The following SOBP variants were observed in gnomAD, a reference collection of about 807,000 sequenced individuals.
The protein encoded by SOBP is sine oculis-binding protein homolog.
In SOBP, 4 loss-of-function variants were observed where a neutral mutation model predicts 53.6. The ratio of observed to expected loss-of-function variants is 0.07; its 90% CI spans 0.04 to 0.17. The LOEUF (loss-of-function observed/expected upper bound fraction) is 0.17, where lower values mean the gene tolerates loss of function less well. Ranked by LOEUF, SOBP falls within the 10% of genes least tolerant of loss-of-function variation. The probability of loss-of-function intolerance (pLI) is 1.00; values close to 1 mark genes in which losing one functional copy is unlikely to be tolerated. For missense variants in SOBP, 1,088 were observed against 1,204.7 expected, an observed-to-expected ratio of 0.90 and a Z score of 1.43; for synonymous variants, 584 against 522.6, an observed-to-expected ratio of 1.12 and a Z score of -1.60.
At position 107,633,838 on chromosome 6, in the gene SOBP, G is replaced by A. The variant is rs910509050; in HGVS notation, c.994G>A (p.Val332Ile). The A allele has an allele frequency of 6.2e-6, 10 of 1,613,902 alleles. No individual in the cohort carries two copies. In the African/African-American group the frequency reaches 6.7e-5, roughly 11 times the overall value. The change falls in exon 6 of 7, where the codon GTC becomes ATC. Residue 332 changes from valine to isoleucine, a missense_variant. By Grantham distance (29) the Val-to-Ile change is conservative. This residue lies in a region of SOBP where 211 missense variants were observed against 258.9 expected (regional missense o/e 0.82). Transcript: ENST00000317357. ...CCCTGGCCCGTCGGCGTCCACCACCGTCTCTCCATCTGACACTGCCAACTG... is the reference window on the plus strand; with the variant it reads ...CCCTGGCCCGTCGGCGTCCACCACCATCTCTCCATCTGACACTGCCAACTG... ...QGPGPSASTT[V>I]SPSDTANCSV...
chr6:107,523,836 C>CT (rs1385731666), intron 3 of SOBP, among the ~76,000 whole-genome samples: 2 of 152,244 alleles, frequency 1.3e-5, no homozygotes, highest in Admixed American at 6.5e-5. Context: ...GCCATTTTCT[C>CT]CTGCACATTG....
chr6:107,598,529 A>C (rs187440442), intron 5 of SOBP, among the ~76,000 whole-genome samples: 305 of 152,338 alleles, frequency 2.0e-3, no homozygotes, highest in African/African-American at 7.1e-3. Flanking sequence ...TGGCGAGAAT[A>C]AAATGAATTC....
At chr6:107,593,762 A>T (rs1221800081) in intron 5 of SOBP, among the ~76,000 whole-genome samples, 2 of 152,228 alleles carry the variant, frequency 1.3e-5, no homozygotes, top group Non-Finnish European at 2.9e-5. Flanking sequence ...AGCTAGAAGG[A>T]TGCATTAGTT....
chr6:107,626,683 G>T (rs1298608658), intron 5 of SOBP, among the ~76,000 whole-genome samples: 1 of 152,212 alleles, frequency 6.6e-6, no homozygotes, highest in African/African-American at 2.4e-5. Context: ...GAGTAGTTGT[G>T]ATACTTGGAG....
chr6:107,654,330 C>T (rs893505064), intron 6 of SOBP, among the ~76,000 whole-genome samples: 1 of 152,142 alleles, frequency 6.6e-6, no homozygotes, highest in Non-Finnish European at 1.5e-5. Flanking sequence ...GGTGGGTTAT[C>T]CTGCCTTCAG....
chr6:107,498,057 T>A (rs990651038), intron 1 of SOBP, among the ~76,000 whole-genome samples: 6 of 152,254 alleles, frequency 3.9e-5, no homozygotes, highest in African/African-American at 1.4e-4. Flanking sequence ...TTTTATTTGA[T>A]CATTTCTCTG....
At chr6:107,621,684 T>C (rs72945668) in intron 5 of SOBP, among the ~76,000 whole-genome samples, 13,563 of 152,270 alleles carry the variant, frequency 0.089, 852 homozygotes, top group Admixed American at 0.18. Flanking sequence ...AATGTCACAT[T>C]TGTGTGTGAC....
At chr6:107,561,869 G>A (rs185146345) in intron 4 of SOBP, among the ~76,000 whole-genome samples, 23 of 152,170 alleles carry the variant, frequency 1.5e-4, no homozygotes, top group African/African-American at 5.3e-4. Flanking sequence ...GAGTAAGAAC[G>A]ACAGAAAGAA....
chr6:107,535,714 TATCTC>T (rs2114991159), intron 4 of SOBP, among the ~76,000 whole-genome samples: 1 of 152,086 alleles, frequency 6.6e-6, no homozygotes, highest in South Asian at 2.1e-4. Context: ...TAAAGAGTGT[TATCTC>T]TGTTACAATA....
intron 5 of SOBP, among the ~76,000 whole-genome samples, chr6:107,596,372 A>G (rs1394317063): frequency 6.6e-6 from 1 of 152,080 alleles, no homozygotes; most frequent in Non-Finnish European, 1.5e-5. Flanking sequence ...GAATTATTTG[A>G]TGAATGAATA....
chr6:107,555,700 A>G (rs907276949), intron 4 of SOBP, among the ~76,000 whole-genome samples: 3 of 152,222 alleles, frequency 2.0e-5, no homozygotes, highest in African/African-American at 7.2e-5. Context: ...GCAGAGACCA[A>G]TTAGTCACAT....
chr6:107,633,836 C>T lies in SOBP; in HGVS notation c.992C>T (p.Thr331Ile). 6.2e-7 allele frequency: 1 copy of T among 1,614,190 alleles called. No homozygotes were observed. Among genetic ancestry groups the T allele is most frequent in the South Asian group, 1.1e-5 (1 of 91,088 alleles). The change falls in exon 6 of 7, where the codon ACC (threonine) becomes ATC (isoleucine). Residue 331 changes from threonine (T) to isoleucine (I), a missense_variant. Transcript: ENST00000317357. ...SQGPGPSAST[T>I]VSPSDTANCS... ...GGCCCTGGCCCGTCGGCGTCCACCA[C>T]CGTCTCTCCATCTGACACTGCCAAC... is the stretch of plus-strand genomic sequence containing the variant.
intron 3 of SOBP, chr6:107,529,432 T>A (rs376703470): frequency 2.0e-6 from 2 of 984,988 alleles, no homozygotes; most frequent in African/African-American, 3.5e-5. Context: ...AGGTCTTTCA[T>A]TGATTATCTG....
At chr6:107,606,795 C>G (rs980568310) in intron 5 of SOBP, among the ~76,000 whole-genome samples, 6 of 152,202 alleles carry the variant, frequency 3.9e-5, no homozygotes, top group African/African-American at 1.4e-4. Flanking sequence ...CCTCCCTCTG[C>G]TCAGGCAGAT....
intron 3 of SOBP, among the ~76,000 whole-genome samples, chr6:107,516,303 A>C (rs1783318663): frequency 6.6e-6 from 1 of 152,100 alleles, no homozygotes; most frequent in African/African-American, 2.4e-5. Flanking sequence ...CTGTACTAAA[A>C]ATACAAAAAT....
Position 107,635,404 on chromosome 6 carries a change from C to T in SOBP, c.2560C>T (p.Pro854Ser), listed in dbSNP as rs745943268. Residue 854 changes from proline (P) to serine (S), a missense_variant, in exon 6 of 7, where the codon CCT (proline) becomes TCT (serine). Pro to Ser is a moderately conservative substitution (Grantham distance 74, BLOSUM62 -1). Coordinates refer to ENST00000317357, the MANE Select transcript of SOBP (RefSeq NM_018013.4). This position sits in a 1 kb window ranked among gnomAD's most constrained non-coding sequence, Gnocchi z 4.5. ...IISSPMLSAG[P>S]EDLEPPLKRR... is the part of the protein sequence containing the mutation. ...CTCCTCGCCCATGCTCAGCGCCGGG[C>T]CTGAGGACCTGGAGCCGCCGCTCAA... is the stretch of plus-strand genomic sequence containing the variant. 3.1e-5 allele frequency: 50 copies of T among 1,613,262 alleles called. No individual in the cohort carries two copies. The highest frequency in any genetic ancestry group is 1.1e-5 in the South Asian group (1 of 91,078).
intron 4 of SOBP, among the ~76,000 whole-genome samples, chr6:107,542,836 C>T (rs1021761612): frequency 6.6e-6 from 1 of 151,838 alleles, no homozygotes; most frequent in Non-Finnish European, 1.5e-5. Context: ...TGTTCTGACA[C>T]AGCGATTTTC....
At chr6:107,608,943 ATC>A (rs1197077158) in intron 5 of SOBP, among the ~76,000 whole-genome samples, 3 of 152,188 alleles carry the variant, frequency 2.0e-5, no homozygotes, top group Non-Finnish European at 4.4e-5. Flanking sequence ...GAGACTTTTG[ATC>A]TATTCTTTAA....
In SOBP at chr6:107,634,221, C is replaced by T. The variant is rs759904728; in HGVS notation, c.1377C>T (p.His459=). The T allele has an allele frequency of 1.3e-6, 2 of 1,595,244 alleles. No individual in the cohort carries two copies. Among genetic ancestry groups the T allele is most frequent in the Non-Finnish European group, 1.7e-6 (2 of 1,174,398 alleles). ...SPMHRPMLSP[H]IHPPSTPTMP... ...TGCACCGGCCCATGCTATCGCCCCACATCCACCCCCCGAGCACCCCCACCA... is the reference window on the plus strand; with the variant it reads ...TGCACCGGCCCATGCTATCGCCCCATATCCACCCCCCGAGCACCCCCACCA... The change falls in exon 6 of 7, where the codon CAC becomes CAT. Residue 459 remains histidine (H), a synonymous_variant. Transcript: ENST00000317357. The surrounding 1 kb of genome is among the most constrained non-coding windows in gnomAD (Gnocchi z 4.5).
Sources: allele counts gnomAD v4.1 joint callset (sites outside exome capture counted in the v4.1 genomes callset), GRCh38; gene constraint gnomAD v4.1.1; regional missense constraint gnomAD v4.1.1; non-coding constraint Gnocchi (gnomAD v3.1); transcripts MANE v1.5; gene names NCBI Gene and HGNC (gene_info 2026-07-23, HGNC 2026-07-21).